SHISA6: variants seen among roughly 807,000 people sequenced by gnomAD.
SHISA6 encodes the protein shisa family member 6.
A neutral mutation model predicts 47.9 loss-of-function variants in SHISA6; 22 were observed. The ratio of observed to expected loss-of-function variants is 0.46; its 90% CI spans 0.33 to 0.66. SHISA6 has a LOEUF of 0.66. Ranked by LOEUF, SHISA6 falls within the 30% of genes least tolerant of loss-of-function variation. SHISA6 has a pLI of 0.02. For missense variants in SHISA6, 680 were observed against 764.6 expected (o/e 0.89, Z 1.30); for synonymous variants, 388 against 337.8 (o/e 1.15, Z -1.63).
intron 2 of SHISA6, among the ~76,000 whole-genome samples, chr17:11,336,037 T>TA (rs11376405): frequency 0.3 from 43,168 of 143,576 alleles, 6,569 homozygotes; most frequent in African/African-American, 0.39. Context: ...CGTCTCTACT[T>TA]AAAAAAAAAA....
chr17:11,518,331 A>G (rs140784248), intron 3 of SHISA6, among the ~76,000 whole-genome samples: 167 of 152,306 alleles, frequency 1.1e-3, no homozygotes, highest in Admixed American at 4.2e-3. Context: ...ACTATAATTG[A>G]TAGAGGTCAG....
chr17:11,472,102 T>C (rs1490674682), intron 3 of SHISA6, among the ~76,000 whole-genome samples: 1 of 152,072 alleles, frequency 6.6e-6, no homozygotes, highest in Non-Finnish European at 1.5e-5. Context: ...TCATCCCCCG[T>C]TTTCCCCTGG....
chr17:11,557,882 C>A lies in SHISA6; in HGVS notation c.1234C>A (p.Arg412=). 2 of 1,551,558 alleles carry A rather than the reference C, an allele frequency of 1.3e-6. No individual in the cohort carries two copies. Among genetic ancestry groups the A allele is most frequent in the Non-Finnish European group, 8.7e-7 (1 of 1,147,010 alleles). Residue 412 remains arginine, a synonymous_variant, in exon 6 of 6, where the codon CGG becomes AGG. Coordinates refer to ENST00000441885, the MANE Select transcript of SHISA6 (RefSeq NM_207386.4). ...GCCGTTGCCAAGGGAACGACCCCGC[C>A]GGCCCATCCGGGCCATGTCCCAGGA... ...QKPLPRERPR[R]PIRAMSQDRV...
intron 3 of SHISA6, among the ~76,000 whole-genome samples, chr17:11,530,233 C>A (rs1488294239): frequency 6.6e-6 from 1 of 152,086 alleles, no homozygotes; most frequent in East Asian, 1.9e-4. Context: ...ATGGAAACAA[C>A]CTAGTTATCT....
intron 2 of SHISA6, among the ~76,000 whole-genome samples, chr17:11,320,670 A>C (rs1050015297): frequency 6.1e-5 from 1 of 16,320 alleles, no homozygotes; most frequent in African/African-American, 1.4e-4. Flanking sequence ...AAAAAAAAAA[A>C]GAGAGAGAGA....
At position 11,434,654 on chromosome 17, in the gene SHISA6, A is replaced by G. The variant is rs538865057; in HGVS notation, c.895+55145A>G. Among the ~76,000 whole-genome samples, 11 of 152,298 alleles carry G rather than the reference A, an allele frequency of 7.2e-5. No homozygotes were observed. The South Asian group carries it at 2.3e-3, about 32-fold the overall frequency. ...CATTTAGAGTTTTTCTCTAGGTACA[A>G]GAGAGACTTACATAAGACATATAAG... On this transcript the variant is annotated intron_variant, in intron 3 of 5. Transcript: ENST00000441885.
At chr17:11,266,400 A>G (rs189037618) in intron 2 of SHISA6, among the ~76,000 whole-genome samples, 38 of 152,310 alleles carry the variant, frequency 2.5e-4, no homozygotes, top group African/African-American at 9.1e-4. Context: ...TCTCCTGCTG[A>G]ATGAGAACCT....
At chr17:11,306,939 C>T (rs1910130844) in intron 2 of SHISA6, among the ~76,000 whole-genome samples, 1 of 152,162 alleles carries the variant, frequency 6.6e-6, no homozygotes, top group African/African-American at 2.4e-5. Flanking sequence ...TTAAGTTGAT[C>T]TTTGCCTAAA....
intron 3 of SHISA6, among the ~76,000 whole-genome samples, chr17:11,396,103 C>T (rs751937645): frequency 6.6e-6 from 1 of 152,162 alleles, no homozygotes; most frequent in Non-Finnish European, 1.5e-5. Flanking sequence ...AGAATGGATA[C>T]TGAATTTTGT....
chr17:11,461,468 G>T (rs1915688682), intron 3 of SHISA6, among the ~76,000 whole-genome samples: 1 of 149,222 alleles, frequency 6.7e-6, no homozygotes, highest in Non-Finnish European at 1.5e-5. Context: ...CACAGACATA[G>T]AAATGGCTGA....
chr17:11,412,374 T>C (rs1171696239), intron 3 of SHISA6, among the ~76,000 whole-genome samples: 1 of 152,092 alleles, frequency 6.6e-6, no homozygotes, highest in African/African-American at 2.4e-5. Flanking sequence ...GGAGTAAAGA[T>C]ATGGAAGCCA....
At chr17:11,422,493 T>G (rs1328130654) in intron 3 of SHISA6, among the ~76,000 whole-genome samples, 1 of 152,188 alleles carries the variant, frequency 6.6e-6, no homozygotes, top group Non-Finnish European at 1.5e-5. Context: ...GGCTTATGCC[T>G]GTAATCCCAA....
rs1052993433 is a variant in SHISA6, at chr17:11,249,154, A to C, written c.638+7094A>C. On this transcript the variant is annotated intron_variant, in intron 1 of 5. Coordinates refer to ENST00000441885, the MANE Select transcript of SHISA6 (RefSeq NM_207386.4). ...CTCCGTCTCAAAAAAAAAAAAAAAA[A>C]AAAAATTCAGACTGTGAATGCTTTC... Among the ~76,000 whole-genome samples the C allele has an allele frequency of 3.5e-4, 53 of 151,958 alleles. 1 individual carries two copies. Among genetic ancestry groups the C allele is most frequent in the African/African-American group, 1.2e-3 (50 of 41,460 alleles).
At chr17:11,508,884 C>T (rs2071521309) in intron 3 of SHISA6, among the ~76,000 whole-genome samples, 1 of 120,852 alleles carries the variant, frequency 8.3e-6, no homozygotes, top group Admixed American at 8.1e-5. Flanking sequence ...AAGACAGATG[C>T]AAGTTGTGAT....
At chr17:11,412,088 G>A (rs568567730) in intron 3 of SHISA6, among the ~76,000 whole-genome samples, 1 of 152,302 alleles carries the variant, frequency 6.6e-6, no homozygotes, top group African/African-American at 2.4e-5. Context: ...ATGGCAAGTT[G>A]TAGTGTAAAA....
intron 2 of SHISA6, among the ~76,000 whole-genome samples, chr17:11,375,845 G>C (rs1291409642): frequency 1.3e-5 from 2 of 152,194 alleles, no homozygotes; most frequent in Admixed American, 1.3e-4. Context: ...CAGTGGTGAA[G>C]GTGAGGGGGC....
intron 3 of SHISA6, among the ~76,000 whole-genome samples, chr17:11,487,621 G>A (rs1228275977): frequency 6.6e-6 from 1 of 152,178 alleles, no homozygotes. Context: ...CAAATAATAG[G>A]ATTAGCCTCA....
chr17:11,558,603 T>G lies in SHISA6; in HGVS notation c.*299T>G. The G allele has an allele frequency of 2.7e-5, 11 of 411,518 alleles. No individual in the cohort carries two copies. The highest frequency in any genetic ancestry group is 4.0e-5 in the Non-Finnish European group (9 of 225,164). 25.5% of individuals were successfully genotyped at this position (411,518 alleles called of 1,614,324 possible). A position where few individuals can be genotyped will look rare whatever the true frequency, so the allele number is the denominator to read the frequency against. On this transcript the variant is annotated 3_prime_UTR_variant, in exon 6 of 6. Coordinates refer to ENST00000441885, the MANE Select transcript of SHISA6 (RefSeq NM_207386.4). ...CCCCGACCACCTTCACCAACTCCCT[T>G]TCCGTCCCGCGCCTCCTTCTCCCCA...
At chr17:11,435,871 C>G (rs145248198) in intron 3 of SHISA6, among the ~76,000 whole-genome samples, 77 of 152,310 alleles carry the variant, frequency 5.1e-4, no homozygotes, top group African/African-American at 1.8e-3. Flanking sequence ...CCAACATGCA[C>G]CATCGCTTTA....
Sources: allele counts gnomAD v4.1 joint callset (sites outside exome capture counted in the v4.1 genomes callset), GRCh38; gene constraint gnomAD v4.1.1; transcripts MANE v1.5; gene names NCBI Gene and HGNC (gene_info 2026-07-23, HGNC 2026-07-21).